Variants in SLC20A2 observed in about 807,000 individuals in gnomAD.
SLC20A2 encodes the protein sodium-dependent phosphate transporter 2.
A neutral mutation model predicts 61.0 loss-of-function variants in SLC20A2; 30 were observed. The ratio of observed to expected loss-of-function variants is 0.49; its 90% CI spans 0.37 to 0.67. The LOEUF (loss-of-function observed/expected upper bound fraction) is 0.67. SLC20A2 is among the 30% of genes least tolerant of loss of function. The probability of loss-of-function intolerance (pLI) is 0.00; values close to 1 mark genes in which losing one functional copy is unlikely to be tolerated. For synonymous variants in SLC20A2, 351 were observed against 353.3 expected, an observed-to-expected ratio of 0.99 and a Z score of 0.07; for missense variants, 626 against 866.4, an observed-to-expected ratio of 0.72 and a Z score of 3.48.
intron 1 of SLC20A2, among the ~76,000 whole-genome samples, chr8:42,500,822 T>G (rs1258906775): frequency 6.6e-6 from 1 of 152,152 alleles, no homozygotes; most frequent in East Asian, 1.9e-4. Flanking sequence ...AATCGAAAAC[T>G]TTTTCTTGGG....
chr8:42,516,950 T>A (rs1811353687), intron 1 of SLC20A2, among the ~76,000 whole-genome samples: 1 of 152,182 alleles, frequency 6.6e-6, no homozygotes, highest in Non-Finnish European at 1.5e-5. Context: ...TGTGCCTCAA[T>A]AAACTCTGAG....
chr8:42,434,352 G>C (rs1804082819), intron 8 of SLC20A2, among the ~76,000 whole-genome samples: 1 of 151,172 alleles, frequency 6.6e-6, no homozygotes, highest in South Asian at 2.1e-4. Flanking sequence ...CTCCCGAAGT[G>C]TTGAGATTAT....
At chr8:42,453,339 C>A (rs1336356274) in intron 5 of SLC20A2, among the ~76,000 whole-genome samples, 1 of 152,102 alleles carries the variant, frequency 6.6e-6, no homozygotes, top group Non-Finnish European at 1.5e-5. Context: ...AACAAAAATG[C>A]AAAGACAATT....
chr8:42,487,287 C>T (rs962202043), intron 1 of SLC20A2, among the ~76,000 whole-genome samples: 1 of 151,552 alleles, frequency 6.6e-6, no homozygotes, highest in Admixed American at 6.6e-5. Context: ...ACGCCATTCT[C>T]CTGCCTCAGC....
chr8:42,437,318 C>T lies in SLC20A2; in HGVS notation c.1194G>A (p.Val398=). 6.2e-7 allele frequency: 1 copy of T among 1,614,192 alleles called. No individual in the cohort carries two copies. ...CYTAAICGLP[V]HATFRAADSS... is the part of the protein sequence containing the mutation. ...AGTCCGCAGCTCGAAAGGTGGCGTG[C>T]ACTGGCAGCCCACAAATGGCTGCGG... The change falls in exon 8 of 11, where the codon GTG becomes GTA. Residue 398 remains valine, a synonymous_variant. Coordinates refer to ENST00000520262, the MANE Select transcript of SLC20A2 (RefSeq NM_001257180.2). The surrounding 1 kb of genome is among the most constrained non-coding windows in gnomAD (Gnocchi z 6.4).
chr8:42,456,283 T>C (rs1470759162), intron 5 of SLC20A2, among the ~76,000 whole-genome samples: 1 of 152,168 alleles, frequency 6.6e-6, no homozygotes, highest in African/African-American at 2.4e-5. Context: ...ACCCCATCCA[T>C]ATTGATGCCA....
At chr8:42,431,131 G>T (rs1406887058) in intron 8 of SLC20A2, among the ~76,000 whole-genome samples, 1 of 152,240 alleles carries the variant, frequency 6.6e-6, no homozygotes, top group Non-Finnish European at 1.5e-5. Flanking sequence ...AGGAAGGCAT[G>T]TCAAAATCGG....
intron 1 of SLC20A2, among the ~76,000 whole-genome samples, chr8:42,484,298 T>C (rs1263787815): frequency 6.6e-6 from 1 of 152,192 alleles, no homozygotes; most frequent in Non-Finnish European, 1.5e-5. Context: ...ATAAACACAC[T>C]AAACAAGGCA....
At chr8:42,451,319 G>T (rs1303363252) in intron 5 of SLC20A2, among the ~76,000 whole-genome samples, 1 of 148,388 alleles carries the variant, frequency 6.7e-6, no homozygotes, top group Non-Finnish European at 1.5e-5. Context: ...ATAAGGAGGA[G>T]GAGGAAGAGA....
intron 10 of SLC20A2, among the ~76,000 whole-genome samples, chr8:42,418,799 C>A (rs574943317): frequency 7.2e-5 from 11 of 151,742 alleles, no homozygotes; most frequent in African/African-American, 2.7e-4. Flanking sequence ...GAGATGGAGA[C>A]CATCCTGGCT....
intron 1 of SLC20A2, among the ~76,000 whole-genome samples, chr8:42,494,958 T>C (rs1425663497): frequency 6.6e-6 from 1 of 152,064 alleles, no homozygotes; most frequent in Admixed American, 6.6e-5. Flanking sequence ...GCAATTCTCC[T>C]GCCTCAGCCT....
chr8:42,465,802 C>T lies in SLC20A2; in HGVS notation c.405G>A (p.Val135=). The T allele has an allele frequency of 1.2e-6, 2 of 1,610,332 alleles. No individual in the cohort carries two copies. Among genetic ancestry groups the T allele is most frequent in the Admixed American group, 1.7e-5 (1 of 59,468 alleles). ...CAATCTTGACAAGCTCCATCCACTG[C>T]ACACCTTTGGTACCGATTGCGACCA... ...FSLVAIGTKG[V]QWMELVKIVA... The change falls in exon 3 of 11, where the codon GTG becomes GTA. Residue 135 remains valine (V), a synonymous_variant. Transcript: ENST00000520262.
chr8:42,510,724 T>C (rs533437384), intron 1 of SLC20A2, among the ~76,000 whole-genome samples: 1 of 152,224 alleles, frequency 6.6e-6, no homozygotes, highest in South Asian at 2.1e-4. Context: ...TTTGAGACAG[T>C]AGGCAAGTTA....
chr8:42,473,812 GTTAT>G (rs1285757862), intron 1 of SLC20A2, among the ~76,000 whole-genome samples: 2 of 152,120 alleles, frequency 1.3e-5, no homozygotes, highest in East Asian at 3.8e-4. Flanking sequence ...CATCAATAAG[GTTAT>G]TTAAAGGGAA....
rs190981384 is a variant in SLC20A2 at position 42,476,272 on chromosome 8, A to T, written c.-264-3618T>A. 2.4e-3 allele frequency among the ~76,000 whole-genome samples: 360 copies of T among 151,042 alleles called. 4 individuals are homozygous for T. The highest frequency in any genetic ancestry group is 3.6e-3 in the Non-Finnish European group (245 of 67,720). On this transcript the variant is annotated intron_variant, in intron 1 of 10. Transcript: ENST00000520262. ...CGCCACCACGCCCGGCTATTTTTTT[A>T]AATTTTATTTTTAGTAGAGACGGGG...
chr8:42,419,639 G>C (rs1802911875), intron 10 of SLC20A2: 1 of 812,698 alleles, frequency 1.2e-6, no homozygotes. Flanking sequence ...CTTCAAGGAA[G>C]AGCTCTTTCC....
At chr8:42,476,548 G>GC (rs1387532387) in intron 1 of SLC20A2, among the ~76,000 whole-genome samples, 1 of 152,102 alleles carries the variant, frequency 6.6e-6, no homozygotes, top group Non-Finnish European at 1.5e-5. Context: ...GCTGGCACAA[G>GC]CCCCGAGCAG....
chr8:42,444,807 C>G (rs770835930), intron 5 of SLC20A2, 45 bp from the exon 6 acceptor site: 1 of 1,468,458 alleles, frequency 6.8e-7, no homozygotes, highest in Admixed American at 1.7e-5. Flanking sequence ...GAAACTTCTG[C>G]AAGGTCAGGC....
intron 5 of SLC20A2, among the ~76,000 whole-genome samples, chr8:42,445,419 T>G (rs1430292170): frequency 2.6e-5 from 4 of 151,958 alleles, no homozygotes; most frequent in Non-Finnish European, 5.9e-5. Context: ...GCACAACAAA[T>G]GTGGCTGAGA....
Sources: allele counts gnomAD v4.1 joint callset (sites outside exome capture counted in the v4.1 genomes callset), GRCh38; gene constraint gnomAD v4.1.1; non-coding constraint Gnocchi (gnomAD v3.1); transcripts MANE v1.5; gene names NCBI Gene and HGNC (gene_info 2026-07-23, HGNC 2026-07-21).